Variants in WDPCP observed in about 807,000 individuals in gnomAD.
WDPCP encodes WD repeat containing planar cell polarity effector, also known as WD repeat-containing and planar cell polarity effector protein fritz homolog.
In WDPCP, 71 loss-of-function variants were observed where a neutral mutation model predicts 93.1. The ratio of observed to expected loss-of-function variants is 0.76; its 90% CI spans 0.63 to 0.93. WDPCP has a LOEUF of 0.93. WDPCP is among the 40% of genes least tolerant of loss of function. The probability of loss-of-function intolerance (pLI) is 0.00; values close to 1 mark genes in which losing one functional copy is unlikely to be tolerated. For synonymous variants in WDPCP, 315 were observed against 315.0 expected (o/e 1.00, Z 0.00); for missense variants, 844 against 887.4 (o/e 0.95, Z 0.62).
chr2:63,754,798 C>T (rs1051991740), intron 2 of WDPCP, among the ~76,000 whole-genome samples: 2 of 152,242 alleles, frequency 1.3e-5, no homozygotes, highest in Admixed American at 6.5e-5. Flanking sequence ...TAATTATCTG[C>T]TGCTGCATAA....
At chr2:63,134,821 T>A (rs1670509879) in intron 17 of WDPCP, among the ~76,000 whole-genome samples, 1 of 152,196 alleles carries the variant, frequency 6.6e-6, no homozygotes, top group South Asian at 2.1e-4. Context: ...CATTTAAATG[T>A]GTTTTTCAAA....
At chr2:63,338,631 AG>A (rs1688627669) in intron 12 of WDPCP, among the ~76,000 whole-genome samples, 1 of 137,302 alleles carries the variant, frequency 7.3e-6, no homozygotes, top group Non-Finnish European at 1.6e-5. Flanking sequence ...TAATTAGAAA[AG>A]ACTGTCCTTT....
intron 2 of WDPCP, among the ~76,000 whole-genome samples, chr2:63,758,815 T>C (rs1310360945): frequency 6.6e-6 from 1 of 152,098 alleles, no homozygotes; most frequent in Non-Finnish European, 1.5e-5. Context: ...TCTCACTTTG[T>C]TGCCCAGGCT....
chr2:63,305,555 C>A (rs1685667321), intron 13 of WDPCP, among the ~76,000 whole-genome samples: 1 of 152,100 alleles, frequency 6.6e-6, no homozygotes, highest in African/African-American at 2.4e-5. Flanking sequence ...CCAAAGGTCA[C>A]CAGCATCAAA....
intron 6 of WDPCP, among the ~76,000 whole-genome samples, chr2:63,481,709 G>C (rs1356494186): frequency 6.6e-6 from 1 of 151,844 alleles, no homozygotes; most frequent in Non-Finnish European, 1.5e-5. Flanking sequence ...AAAGGCATAA[G>C]AATGATACAA....
chr2:63,402,752 G>A (rs1324592146), intron 10 of WDPCP, among the ~76,000 whole-genome samples: 1 of 152,094 alleles, frequency 6.6e-6, no homozygotes, highest in African/African-American at 2.4e-5. Context: ...ACAAAGAATG[G>A]CTATTATTAA....
intron 11 of WDPCP, among the ~76,000 whole-genome samples, chr2:63,380,771 C>T (rs1036914803): frequency 2.0e-5 from 3 of 152,056 alleles, no homozygotes; most frequent in Admixed American, 6.6e-5. Flanking sequence ...TTTTGACTAC[C>T]TCCAAAAAGA....
intron 9 of WDPCP, among the ~76,000 whole-genome samples, chr2:63,427,613 G>A (rs1473902856): frequency 6.6e-6 from 1 of 152,148 alleles, no homozygotes; most frequent in Admixed American, 6.5e-5. Flanking sequence ...CGCAGTAAAT[G>A]CCTACATCAC....
At chr2:63,500,418 G>GT (rs1162099474) in intron 1 of WDPCP, among the ~76,000 whole-genome samples, 1 of 151,054 alleles carries the variant, frequency 6.6e-6, no homozygotes, top group Non-Finnish European at 1.5e-5. Context: ...AGATAATATA[G>GT]TGTCAAGAAA....
chr2:63,621,199 T>C (rs1709732389), intron 3 of WDPCP, among the ~76,000 whole-genome samples: 1 of 152,014 alleles, frequency 6.6e-6, no homozygotes, highest in Admixed American at 6.5e-5. Context: ...AGAAGGTGGC[T>C]TCAGACGGTG....
At chr2:63,730,446 T>G (rs1387608369) in intron 2 of WDPCP, among the ~76,000 whole-genome samples, 1 of 152,136 alleles carries the variant, frequency 6.6e-6, no homozygotes, top group Non-Finnish European at 1.5e-5. Flanking sequence ...TGACTGAAGT[T>G]CTCTAGTAAT....
intron 13 of WDPCP, among the ~76,000 whole-genome samples, chr2:63,281,882 C>A (rs1683581215): frequency 6.6e-6 from 1 of 152,018 alleles, no homozygotes; most frequent in African/African-American, 2.4e-5. Flanking sequence ...ATGGACACTA[C>A]TTGGGTGATG....
chr2:63,171,833 A>G (rs1673412085), intron 15 of WDPCP, among the ~76,000 whole-genome samples: 1 of 152,364 alleles, frequency 6.6e-6, no homozygotes, highest in South Asian at 2.1e-4. Flanking sequence ...TGGCACATCC[A>G]TGTAATAGAA....
intron 12 of WDPCP, among the ~76,000 whole-genome samples, chr2:63,361,994 C>A (rs1373683459): frequency 6.6e-6 from 1 of 152,056 alleles, no homozygotes; most frequent in Non-Finnish European, 1.5e-5. Flanking sequence ...TATTTTGACA[C>A]CTGTGTACAA....
intron 14 of WDPCP, among the ~76,000 whole-genome samples, chr2:63,239,223 C>G (rs1400286272): frequency 6.6e-6 from 1 of 151,906 alleles, no homozygotes; most frequent in Non-Finnish European, 1.5e-5. Flanking sequence ...ATTTTCTTTT[C>G]TTTTTTTTGA....
intron 9 of WDPCP, among the ~76,000 whole-genome samples, chr2:63,410,515 T>G (rs1038300032): frequency 6.6e-6 from 1 of 152,172 alleles, no homozygotes; most frequent in Non-Finnish European, 1.5e-5. Flanking sequence ...CAAATAGCAC[T>G]GTGAATGCAA....
chr2:63,432,192 T>C (rs1481945049), intron 9 of WDPCP, among the ~76,000 whole-genome samples: 1 of 152,180 alleles, frequency 6.6e-6, no homozygotes, highest in African/African-American at 2.4e-5. Context: ...ATATCAACTC[T>C]AGAAAGGTGA....
chr2:63,212,331 G>T (rs779476563), intron 14 of WDPCP, among the ~76,000 whole-genome samples: 13 of 152,124 alleles, frequency 8.5e-5, no homozygotes, highest in Admixed American at 3.9e-4. Flanking sequence ...TTAAAGAAAA[G>T]AATTTTCAAC....
intron 12 of WDPCP, among the ~76,000 whole-genome samples, chr2:63,368,087 C>G (rs930088552): frequency 3.3e-5 from 5 of 151,962 alleles, no homozygotes; most frequent in Non-Finnish European, 7.4e-5. Flanking sequence ...AGAATAAGGA[C>G]CAGAATCTAC....
Sources: gnomAD v4.1 joint callset for allele counts (sites outside exome capture counted in the v4.1 genomes callset) on GRCh38, gnomAD v4.1.1 for gene constraint, MANE v1.5 for transcripts, NCBI Gene and HGNC (gene_info 2026-07-23, HGNC 2026-07-21) for gene names.